BBOX1: variants seen among roughly 807,000 people sequenced by gnomAD.
BBOX1 encodes the protein gamma-butyrobetaine dioxygenase.
In BBOX1, 35 loss-of-function variants were observed where a neutral mutation model predicts 41.6. The observed-to-expected ratio is 0.84, with a 90% CI of 0.64 to 1.11. BBOX1 has a LOEUF of 1.11. BBOX1 is among the 50% of genes most tolerant of loss of function. The pLI, the probability that BBOX1 is intolerant of heterozygous loss-of-function variation, is 0.00. For missense variants in BBOX1, 458 were observed against 460.6 expected, an observed-to-expected ratio of 0.99 and a Z score of 0.05; for synonymous variants, 163 against 154.7, an observed-to-expected ratio of 1.05 and a Z score of -0.40.
At chr11:27,079,810 T>C (rs987368716) in intron 4 of BBOX1, among the ~76,000 whole-genome samples, 3 of 152,172 alleles carry the variant, frequency 2.0e-5, no homozygotes, top group African/African-American at 4.8e-5. Context: ...TCTCAACTGA[T>C]GATGGCAACT....
At chr11:27,082,294 T>A (rs1413652894) in intron 4 of BBOX1, among the ~76,000 whole-genome samples, 1 of 152,078 alleles carries the variant, frequency 6.6e-6, no homozygotes, top group Non-Finnish European at 1.5e-5. Context: ...ATATTGTGCC[T>A]CAGCAGAAGA....
intron 4 of BBOX1, among the ~76,000 whole-genome samples, chr11:27,085,152 C>A (rs926439444): frequency 2.0e-5 from 3 of 152,216 alleles, no homozygotes; most frequent in Middle Eastern, 3.4e-3. Context: ...AATTTCTGTG[C>A]AGACATCATA....
intron 5 of BBOX1, 123 bp from the exon 6 acceptor site, chr11:27,115,329 A>G: frequency 1.4e-6 from 1 of 717,312 alleles, no homozygotes; most frequent in Non-Finnish European, 2.2e-6. Flanking sequence ...ACTCATAGTC[A>G]TTATGGTAAT....
rs770311116 is a variant in BBOX1 at position 27,057,248 on chromosome 11, T to C, written c.267T>C (p.Asp89=). Reference sequence around the variant, plus strand: ...AGCATTACAGTGAATTCCAGGCTGATTGGCTGAAGAAAAGATGCTTTTCCA... The same window carrying C: ...AGCATTACAGTGAATTCCAGGCTGACTGGCTGAAGAAAAGATGCTTTTCCA... ...PDEHYSEFQA[D]WLKKRCFSKQ... The change falls in exon 4 of 9, where the codon GAT becomes GAC. Residue 89 remains aspartate, a synonymous_variant. Transcript: ENST00000263182. 9.6e-5 allele frequency: 154 copies of C among 1,612,108 alleles called. No homozygotes were observed. The Middle Eastern group carries it at 1.5e-3, about 15-fold the overall frequency.
intron 5 of BBOX1, among the ~76,000 whole-genome samples, chr11:27,113,504 C>A (rs1859152413): frequency 6.6e-6 from 1 of 151,768 alleles, no homozygotes; most frequent in African/African-American, 2.4e-5. Context: ...TCCTTTGTAG[C>A]ACCATGGATG....
chr11:27,098,945 T>C (rs187604292), intron 5 of BBOX1, among the ~76,000 whole-genome samples: 1 of 152,146 alleles, frequency 6.6e-6, no homozygotes. Flanking sequence ...GAGCTTCTTA[T>C]AGGCATAAAT....
At chr11:27,125,232 C>A (rs1859609491) in intron 7 of BBOX1, among the ~76,000 whole-genome samples, 1 of 152,134 alleles carries the variant, frequency 6.6e-6, no homozygotes, top group Non-Finnish European at 1.5e-5. Flanking sequence ...ATAGAATTTT[C>A]TTCCCATCAT....
rs1052856670 is a variant in BBOX1 at position 27,125,618 on chromosome 11, T to C, written c.837-36T>C. ...CTTATCAATGTAAATAGATATTTCA[T>C]GAATTATATATTAATTTTTTCTCTT... On this transcript the variant is annotated intron_variant, in intron 7 of 8. Coordinates refer to ENST00000263182, the MANE Select transcript of BBOX1 (RefSeq NM_003986.3). The C allele has an allele frequency of 2.8e-6, 4 of 1,419,788 alleles. No homozygotes were observed. In the African/African-American group the frequency reaches 5.8e-5, roughly 21 times the overall value. 87.9% of individuals were successfully genotyped at this position (1,419,788 alleles called of 1,614,324 possible).
intron 5 of BBOX1, among the ~76,000 whole-genome samples, chr11:27,104,571 T>C (rs1295948468): frequency 6.6e-6 from 1 of 152,170 alleles, no homozygotes; most frequent in East Asian, 1.9e-4. Context: ...GATTTTCGTA[T>C]TAGTTTAATG....
chr11:27,067,906 T>C, intron 4 of BBOX1, among the ~76,000 whole-genome samples: 1 of 152,114 alleles, frequency 6.6e-6, no homozygotes, highest in Non-Finnish European at 1.5e-5. Context: ...GCAAAAGACA[T>C]TATTTTATTC....
intron 4 of BBOX1, among the ~76,000 whole-genome samples, chr11:27,089,451 G>A (rs1858158941): frequency 1.3e-5 from 2 of 151,948 alleles, no homozygotes; most frequent in South Asian, 4.1e-4. Flanking sequence ...AACAGCTGTA[G>A]TAAAGGCAAC....
chr11:27,127,261 A>G, intron 8 of BBOX1, 32 bp from the exon 9 acceptor site: 1 of 1,606,876 alleles, frequency 6.2e-7, no homozygotes, highest in East Asian at 2.2e-5. Flanking sequence ...TAAACACACA[A>G]TTATTCATAT....
intron 6 of BBOX1, among the ~76,000 whole-genome samples, chr11:27,118,595 T>A (rs548028740): frequency 1.4e-4 from 21 of 152,096 alleles, no homozygotes; most frequent in Non-Finnish European, 2.4e-4. Context: ...AAGGAAAATA[T>A]TTTTGGTTCT....
intron 7 of BBOX1, among the ~76,000 whole-genome samples, chr11:27,122,221 A>G (rs1859489706): frequency 6.6e-6 from 1 of 152,154 alleles, no homozygotes; most frequent in Non-Finnish European, 1.5e-5. Context: ...ATAAAGAAAC[A>G]AGCAAAATTA....
chr11:27,083,437 C>T (rs536150117), intron 4 of BBOX1, among the ~76,000 whole-genome samples: 3 of 152,180 alleles, frequency 2.0e-5, no homozygotes, highest in African/African-American at 7.2e-5. Context: ...CCTCTTGCCC[C>T]AGTTCTAGCC....
chr11:27,057,236 A>G lies in BBOX1; in HGVS notation c.255A>G (p.Glu85=). Residue 85 remains glutamate (E), a synonymous_variant, in exon 4 of 9, where the codon GAA becomes GAG. Transcript: ENST00000263182. ...CATGGCCCGATGAGCATTACAGTGAATTCCAGGCTGATTGGCTGAAGAAAA... is the reference window on the plus strand; with the variant it reads ...CATGGCCCGATGAGCATTACAGTGAGTTCCAGGCTGATTGGCTGAAGAAAA... ...YITWPDEHYS[E]FQADWLKKRC... 6.2e-7 allele frequency: 1 copy of G among 1,612,138 alleles called. No individual in the cohort carries two copies. The highest frequency in any genetic ancestry group is 8.5e-7 in the Non-Finnish European group (1 of 1,179,582).
intron 7 of BBOX1, among the ~76,000 whole-genome samples, chr11:27,125,186 T>C (rs1859608148): frequency 6.6e-6 from 1 of 152,174 alleles, no homozygotes; most frequent in South Asian, 2.1e-4. Flanking sequence ...AAACTAAGGA[T>C]TGAATTAGAA....
chr11:27,127,341 G>A lies in BBOX1; in HGVS notation c.1052G>A (p.Ser351Asn), dbSNP rs926308802. ...DNWRLLHGRR[S>N]YEAGTEISRH... ...TGGCGCTTACTTCATGGCCGACGTA[G>A]CTATGAAGCAGGAACTGAGATATCC... The change falls in exon 9 of 9, where the codon AGC becomes AAC. Residue 351 changes from serine to asparagine, a missense_variant. Physicochemically the swap from Ser to Asn is conservative, Grantham distance 46. Transcript: ENST00000263182. The A allele has an allele frequency of 6.2e-7, 1 of 1,614,118 alleles. No individual in the cohort carries two copies. The highest frequency in any genetic ancestry group is 8.5e-7 in the Non-Finnish European group (1 of 1,180,012).
chr11:27,077,507 A>G (rs187399657), intron 4 of BBOX1, among the ~76,000 whole-genome samples: 170 of 151,722 alleles, frequency 1.1e-3, no homozygotes, highest in Non-Finnish European at 2.0e-3. Flanking sequence ...TTTTCCTATT[A>G]AGTTCCTGTG....
Sources: allele counts gnomAD v4.1 joint callset (sites outside exome capture counted in the v4.1 genomes callset), GRCh38; gene constraint gnomAD v4.1.1; transcripts MANE v1.5; gene names NCBI Gene and HGNC (gene_info 2026-07-23, HGNC 2026-07-21).